Variants in ABCG2 observed in about 807,000 individuals in gnomAD.
ABCG2 encodes ATP binding cassette subfamily G member 2 (JR blood group), also known as broad substrate specificity ATP-binding cassette transporter ABCG2.
In ABCG2, 80 loss-of-function variants were observed where a neutral mutation model predicts 73.5. The observed-to-expected ratio is 1.09, with a 90% CI of 0.91 to 1.31. The LOEUF (loss-of-function observed/expected upper bound fraction) is 1.31. Among genes scored for constraint, ABCG2 ranks in the 50% most tolerant of loss-of-function variants. The pLI is 0.00. For missense variants in ABCG2, 796 were observed against 786.2 expected (o/e 1.01, Z -0.15); for synonymous variants, 269 against 282.4 (o/e 0.95, Z 0.48).
At chr4:88,217,783 G>A (rs1186662279) in intron 1 of ABCG2, among the ~76,000 whole-genome samples, 1 of 152,004 alleles carries the variant, frequency 6.6e-6, no homozygotes, top group Non-Finnish European at 1.5e-5. Context: ...AGGCTACCCT[G>A]GGCAACATAG....
Position 88,131,045 on chromosome 4 carries a change from A to G in ABCG2, c.531+16T>C. The G allele has an allele frequency of 1.2e-6, 2 of 1,613,500 alleles. No individual in the cohort carries two copies. The highest frequency in any genetic ancestry group is 1.7e-6 in the Non-Finnish European group (2 of 1,179,712). On this transcript the variant is annotated intron_variant, in intron 5 of 15. Transcript: ENST00000237612. ...TACTTATGCTGATCATGATGCTTTC[A>G]GTTTTTCCACATTACCTTGGAGTCT...
chr4:88,111,645 A>G (rs190593266), intron 9 of ABCG2, among the ~76,000 whole-genome samples: 23 of 152,326 alleles, frequency 1.5e-4, no homozygotes, highest in African/African-American at 4.1e-4. Flanking sequence ...ATATTTTACT[A>G]GAGCCAACAA....
At chr4:88,136,188 T>C (rs10001782) in intron 2 of ABCG2, among the ~76,000 whole-genome samples, 1 of 152,170 alleles carries the variant, frequency 6.6e-6, no homozygotes, top group African/African-American at 2.4e-5. Flanking sequence ...CAGATCTGTA[T>C]GCACCTGCAC....
intron 1 of ABCG2, among the ~76,000 whole-genome samples, chr4:88,205,997 T>C (rs1013260132): frequency 2.6e-5 from 4 of 152,132 alleles, no homozygotes; most frequent in African/African-American, 9.7e-5. Flanking sequence ...TATCATTTTA[T>C]ATCTGGGCTG....
intron 1 of ABCG2, among the ~76,000 whole-genome samples, chr4:88,225,732 A>C (rs7687799): frequency 6.6e-6 from 1 of 152,130 alleles, no homozygotes; most frequent in Non-Finnish European, 1.5e-5. Context: ...GTATTAGTCC[A>C]TTCCCACACT....
At chr4:88,209,662 A>AAAAAACAAAAAACAAAAC (rs1410707315) in intron 1 of ABCG2, among the ~76,000 whole-genome samples, 164 of 152,316 alleles carry the variant, frequency 1.1e-3, no homozygotes, top group Middle Eastern at 3.4e-3. Context: ...CTGTCTCAAA[A>AAAAAACAAAAAACAAAAC]AAAAACAAAA....
intron 1 of ABCG2, chr4:88,223,692 T>C (rs1326207956): frequency 1.3e-5 from 2 of 152,542 alleles, no homozygotes; most frequent in African/African-American, 4.8e-5. Context: ...CTACTGTGTG[T>C]GCATGATTAA....
At chr4:88,135,369 C>T (rs908742903) in intron 2 of ABCG2, among the ~76,000 whole-genome samples, 5 of 152,224 alleles carry the variant, frequency 3.3e-5, no homozygotes, top group Admixed American at 2.0e-4. Context: ...TGTTGTAAAC[C>T]ACTGAACATG....
rs1480156055 is a variant in ABCG2, at chr4:88,092,368, C to T, written c.1834G>A (p.Glu612Lys). The change falls in exon 16 of 16, where the codon GAA (glutamate) becomes AAA (lysine). Residue 612 changes from glutamate (E) to lysine (K), a missense_variant. By Grantham distance (56) the Glu-to-Lys change is moderately conservative. Transcript: ENST00000237612. Reference protein sequence around the residue: ...PCNYATCTGEEYLVKQGIDLS... With the variant: ...PCNYATCTGEKYLVKQGIDLS... ...TCGATGCCCTGCTTTACCAAATATT[C>T]TTCGCCAGTACATCTGAAATTAAAC... 1 of 1,606,516 alleles carries T rather than the reference C, an allele frequency of 6.2e-7. No homozygotes were observed.
intron 1 of ABCG2, among the ~76,000 whole-genome samples, chr4:88,219,782 G>A (rs560477532): frequency 6.6e-6 from 1 of 150,520 alleles, no homozygotes; most frequent in East Asian, 1.9e-4. Context: ...GTAGAGATGG[G>A]GTTTCACCAT....
intron 2 of ABCG2, among the ~76,000 whole-genome samples, chr4:88,139,571 A>T (rs1241948143): frequency 3.3e-5 from 5 of 152,194 alleles, no homozygotes; most frequent in South Asian, 2.1e-4. Context: ...TGCATTTTTT[A>T]AAAAAGTCTG....
At chr4:88,106,477 T>C (rs1406991779) in intron 10 of ABCG2, among the ~76,000 whole-genome samples, 1 of 152,166 alleles carries the variant, frequency 6.6e-6, no homozygotes, top group East Asian at 1.9e-4. Flanking sequence ...GAATGAGCCA[T>C]AAAGACAACA....
chr4:88,204,633 G>C (rs1362500442), intron 1 of ABCG2, among the ~76,000 whole-genome samples: 1 of 152,146 alleles, frequency 6.6e-6, no homozygotes, highest in South Asian at 2.1e-4. Flanking sequence ...CACATCTTCA[G>C]TATATTTTAG....
chr4:88,221,555 A>G (rs1191614643), intron 1 of ABCG2, among the ~76,000 whole-genome samples: 1 of 152,134 alleles, frequency 6.6e-6, no homozygotes, highest in Non-Finnish European at 1.5e-5. Context: ...CTTCCTGGAG[A>G]CTTTTTAAAT....
chr4:88,173,183 C>T (rs1361619061), intron 1 of ABCG2, among the ~76,000 whole-genome samples: 4 of 152,152 alleles, frequency 2.6e-5, no homozygotes, highest in Non-Finnish European at 5.9e-5. Context: ...TTTGAAACAT[C>T]TCCAAAGTAG....
intron 1 of ABCG2, among the ~76,000 whole-genome samples, chr4:88,182,134 A>G (rs568525248): frequency 1.3e-5 from 2 of 152,308 alleles, no homozygotes; most frequent in Middle Eastern, 3.4e-3. Context: ...AGCTATATAT[A>G]TGTAAGACAA....
chr4:88,215,956 C>T lies in ABCG2; in HGVS notation c.-20+15038G>A, dbSNP rs138451111. ...TGAATATCATGAATCTTCCTTCAAA[C>T]CAGTGTTTCTCTCAACCTTGGCCCC... On this transcript the variant is annotated intron_variant, in intron 1 of 15. Transcript: ENST00000515655. Among the ~76,000 whole-genome samples, 254 of 152,326 alleles carry T rather than the reference C, an allele frequency of 1.7e-3. 1 individual carries two copies. The highest frequency in any genetic ancestry group is 4.1e-3 in the South Asian group (20 of 4,834).
intron 1 of ABCG2, among the ~76,000 whole-genome samples, chr4:88,169,046 CTTTTT>C (rs55711211): frequency 1.4e-5 from 2 of 138,864 alleles, no homozygotes; most frequent in South Asian, 2.3e-4. Context: ...AAGTAGTTAT[CTTTTT>C]TTTTTTTTTT....
chr4:88,230,051 G>A (rs1730391595), intron 1 of ABCG2, among the ~76,000 whole-genome samples: 2 of 149,572 alleles, frequency 1.3e-5, no homozygotes, highest in African/African-American at 4.9e-5. Context: ...GGAGTACAAT[G>A]GCGCGGTCTT....
Sources: gnomAD v4.1 joint callset for allele counts (sites outside exome capture counted in the v4.1 genomes callset) on GRCh38, gnomAD v4.1.1 for gene constraint, MANE v1.5 for transcripts, NCBI Gene and HGNC (gene_info 2026-07-23, HGNC 2026-07-21) for gene names.